Variants in MYO18B observed in about 807,000 individuals in gnomAD.
The protein encoded by MYO18B is unconventional myosin-XVIIIb.
In MYO18B, 204 loss-of-function variants were observed where a neutral mutation model predicts 273.0. That is an observed-to-expected ratio of 0.75 (90% CI 0.67 to 0.84). The LOEUF is 0.84. MYO18B is among the 40% of genes least tolerant of loss of function. MYO18B has a pLI of 0.00. For synonymous variants in MYO18B, 1,330 were observed against 1,305.7 expected (o/e 1.02, Z -0.40); for missense variants, 3,212 against 3,287.6 (o/e 0.98, Z 0.56).
chr22:25,775,660 C>T (rs1050273262), intron 7 of MYO18B, among the ~76,000 whole-genome samples: 3 of 152,158 alleles, frequency 2.0e-5, no homozygotes, highest in African/African-American at 7.2e-5. Context: ...CTCTAAGACT[C>T]CGCTTTCCTG....
At chr22:25,892,321 T>C (rs991956996) in intron 27 of MYO18B, 2 of 152,208 alleles carry the variant, frequency 1.3e-5, no homozygotes, top group Non-Finnish European at 2.9e-5. Context: ...GGTAAAGCTG[T>C]GTCAGGCGCA....
rs575089062 is a variant in MYO18B at position 25,952,336 on chromosome 22, T to C, written c.5883T>C (p.Asp1961=). ...AGTACCTGGAACAGTCCACCGTGGA[T>C]CGAGCCATCGTCAGCAGGCAGGAGG... is the stretch of plus-strand genomic sequence containing the variant. ...RIEYLEQSTV[D]RAIVSRQEAV... The change falls in exon 38 of 44, where the codon GAT becomes GAC. Residue 1961 remains aspartate, a synonymous_variant. Transcript: ENST00000335473. 1 of 1,612,030 alleles carries C rather than the reference T, an allele frequency of 6.2e-7. No homozygotes were observed. Among genetic ancestry groups the C allele is most frequent in the African/African-American group, 1.3e-5 (1 of 75,004 alleles).
At chr22:25,866,710 A>G (rs1444232983) in intron 21 of MYO18B, among the ~76,000 whole-genome samples, 2 of 145,692 alleles carry the variant, frequency 1.4e-5, no homozygotes, top group African/African-American at 2.5e-5. Context: ...GTGGTGGCAC[A>G]TGCCTGTAGT....
chr22:25,817,716 C>T (rs1426880633), intron 12 of MYO18B, among the ~76,000 whole-genome samples: 2 of 152,208 alleles, frequency 1.3e-5, no homozygotes, highest in Non-Finnish European at 2.9e-5. Context: ...AACAGAATTT[C>T]TCCTTCTTAC....
chr22:25,799,727 A>G (rs1308981581), intron 12 of MYO18B, among the ~76,000 whole-genome samples: 1 of 152,220 alleles, frequency 6.6e-6, no homozygotes, highest in Non-Finnish European at 1.5e-5. Context: ...TTTGAGCCAC[A>G]TACATTAACC....
chr22:25,785,302 C>G lies in MYO18B; in HGVS notation c.2313-126C>G. On this transcript the variant is annotated intron_variant, in intron 10 of 43. Transcript: ENST00000335473. ...AGGGCAGAGTTAGTGGGGCCAAGGC[C>G]AGGGACAGGGACAGCCCCTGGGGTG... 2 of 802,120 alleles carry G rather than the reference C, an allele frequency of 2.5e-6. 1 individual carries two copies. Among genetic ancestry groups the G allele is most frequent in the South Asian group, 3.4e-5 (2 of 58,740 alleles). 49.7% of individuals were successfully genotyped at this position (802,120 alleles called of 1,614,324 possible). A position where few individuals can be genotyped will look rare whatever the true frequency, so the allele number is the denominator to read the frequency against.
chr22:25,763,894 G>A (rs1568981518), intron 3 of MYO18B, among the ~76,000 whole-genome samples: 2 of 152,174 alleles, frequency 1.3e-5, no homozygotes, highest in South Asian at 4.1e-4. Context: ...ATGTATAGTT[G>A]GTTCACTTTA....
intron 42 of MYO18B, among the ~76,000 whole-genome samples, chr22:26,024,015 G>T (rs1333025968): frequency 1.3e-5 from 2 of 152,170 alleles, no homozygotes; most frequent in Non-Finnish European, 2.9e-5. Flanking sequence ...GGGCAAACGT[G>T]TGGCTTTTGT....
chr22:25,817,238 TTCTC>T lies in MYO18B; in HGVS notation c.2522-6261_2522-6258del, dbSNP rs2089059008. On this transcript the variant is annotated intron_variant, in intron 12 of 43. Transcript: ENST00000335473. The stretch of plus-strand genomic sequence containing the variant: ...TTTCTTTCTTTCGTTCTTTCTCTCT[TTCTC>T]TCTCTTTCTTTCTTCTTTTTCTTTT... Among the ~76,000 whole-genome samples the T allele has an allele frequency of 2.6e-5, 4 of 151,722 alleles. No homozygotes were observed. In the South Asian group the frequency reaches 6.3e-4, roughly 24 times the overall value.
chr22:25,911,479 G>A (rs577549795), intron 33 of MYO18B, among the ~76,000 whole-genome samples: 1 of 152,206 alleles, frequency 6.6e-6, no homozygotes, highest in African/African-American at 2.4e-5. Flanking sequence ...CTTTGAGTGA[G>A]CTAGTTAACA....
chr22:26,057,256 T>C, the MYO18B span, among the ~76,000 whole-genome samples: 1 of 152,146 alleles, frequency 6.6e-6, no homozygotes, highest in Admixed American at 6.5e-5. Flanking sequence ...CACAGATCTA[T>C]ATAACGAATG....
In MYO18B at chr22:25,957,559, A is replaced by G. The variant is rs747573072; in HGVS notation, c.6156+2195A>G. Among the ~76,000 whole-genome samples, 21 of 152,338 alleles carry G rather than the reference A, an allele frequency of 1.4e-4. No individual in the cohort carries two copies. In the East Asian group the frequency reaches 3.9e-3, roughly 28 times the overall value. ...AGTGTTCGTTTCCTAGGATTGCCAT[A>G]GCAAATTATCACAAGCTGCATAGCT... is the stretch of plus-strand genomic sequence containing the variant. On this transcript the variant is annotated intron_variant, in intron 39 of 43. Coordinates refer to ENST00000335473, the MANE Select transcript of MYO18B (RefSeq NM_032608.7).
chr22:25,875,630 C>T (rs1234454160), intron 23 of MYO18B, among the ~76,000 whole-genome samples: 1 of 152,212 alleles, frequency 6.6e-6, no homozygotes, highest in African/African-American at 2.4e-5. Context: ...CCCAGAGTGG[C>T]TGAATCAGCA....
At chr22:25,969,067 T>C (rs1185888438) in intron 39 of MYO18B, among the ~76,000 whole-genome samples, 1 of 152,204 alleles carries the variant, frequency 6.6e-6, no homozygotes, top group Admixed American at 6.5e-5. Flanking sequence ...GTTATGCAAC[T>C]GTGGGGTTGG....
At chr22:26,028,555 C>A (rs1046029328) in intron 43 of MYO18B, 1 of 152,120 alleles carries the variant, frequency 6.6e-6, no homozygotes, top group Non-Finnish European at 1.5e-5. Context: ...TGCCCTTCCT[C>A]CCTCTCCTAG....
chr22:25,997,958 A>ACAC (rs1569278959), intron 40 of MYO18B, among the ~76,000 whole-genome samples: 4 of 105,802 alleles, frequency 3.8e-5, no homozygotes, highest in East Asian at 2.3e-4. Flanking sequence ...CACACACACA[A>ACAC]ACACACACAC....
At chr22:25,851,406 G>A (rs1167617403) in intron 20 of MYO18B, 64 bp from the exon 21 acceptor site, 2 of 1,132,580 alleles carry the variant, frequency 1.8e-6, no homozygotes, top group Non-Finnish European at 2.6e-6. Context: ...GGGGTTTAGG[G>A]AACTGGGCTG....
At chr22:25,978,768 A>G (rs1011529493) in intron 39 of MYO18B, among the ~76,000 whole-genome samples, 6 of 152,214 alleles carry the variant, frequency 3.9e-5, no homozygotes, top group African/African-American at 9.6e-5. Context: ...AGCCCTGCCA[A>G]CATGGCAAAA....
chr22:25,806,580 C>G (rs1242703140), intron 12 of MYO18B, among the ~76,000 whole-genome samples: 1 of 152,198 alleles, frequency 6.6e-6, no homozygotes, highest in Non-Finnish European at 1.5e-5. Context: ...GCAGAAAACA[C>G]CAGGTGATTT....
Sources: allele counts gnomAD v4.1 joint callset (sites outside exome capture counted in the v4.1 genomes callset), GRCh38; gene constraint gnomAD v4.1.1; transcripts MANE v1.5; gene names NCBI Gene and HGNC (gene_info 2026-07-23, HGNC 2026-07-21).